The following EP400 variants were observed in gnomAD, a reference collection of about 807,000 sequenced individuals.
EP400 encodes the protein E1A binding protein p400.
In EP400, 105 loss-of-function variants were observed where a neutral mutation model predicts 354.1. That is an observed-to-expected ratio of 0.30 (90% CI 0.25 to 0.35). The LOEUF (loss-of-function observed/expected upper bound fraction) is 0.35, where lower values mean the gene tolerates loss of function less well. Ranked by LOEUF, EP400 falls within the 10% of genes least tolerant of loss-of-function variation. EP400 has a pLI of 1.00. For synonymous variants in EP400, 1,646 were observed against 1,716.9 expected (o/e 0.96, Z 1.02); for missense variants, 3,280 against 4,121.0 (o/e 0.80, Z 5.59).
At chr12:131,972,588 G>A (rs1892329088) in intron 2 of EP400, among the ~76,000 whole-genome samples, 1 of 152,040 alleles carries the variant, frequency 6.6e-6, no homozygotes, top group South Asian at 2.1e-4. Flanking sequence ...GAGTGCAGGG[G>A]TGTTGCATAT....
At chr12:131,983,958 G>A (rs1284774275) in intron 5 of EP400, among the ~76,000 whole-genome samples, 1 of 151,850 alleles carries the variant, frequency 6.6e-6, no homozygotes, top group Non-Finnish European at 1.5e-5. Context: ...CTGGAGTGCA[G>A]TGGCCCGATC....
chr12:132,079,484 AG>A lies in EP400; in HGVS notation c.*1813del, dbSNP rs748106544. ...CAGATGTGATAGAACTGAAGTATCTAGGAATTCTGCCTTTGTCATTTGTTTT... is the reference window on the plus strand; with the variant it reads ...CAGATGTGATAGAACTGAAGTATCTAGAATTCTGCCTTTGTCATTTGTTTT... On this transcript the variant is annotated 3_prime_UTR_variant, in exon 53 of 53. Coordinates refer to ENST00000389561, the MANE Select transcript of EP400 (RefSeq NM_015409.5). 1 of 152,396 alleles carries A rather than the reference AG, an allele frequency of 6.6e-6. No individual in the cohort carries two copies. Among genetic ancestry groups the A allele is most frequent in the Non-Finnish European group, 1.5e-5 (1 of 68,038 alleles). 9.4% of individuals were successfully genotyped at this position (152,396 alleles called of 1,614,324 possible). A position where few individuals can be genotyped will look rare whatever the true frequency, so the allele number is the denominator to read the frequency against.
In EP400 at chr12:131,986,504, G is replaced by T. The variant is rs763913080; in HGVS notation, c.1930-10G>T. 3 of 1,587,982 alleles carry T rather than the reference G, an allele frequency of 1.9e-6. No individual in the cohort carries two copies. The highest frequency in any genetic ancestry group is 1.7e-6 in the Non-Finnish European group (2 of 1,165,624). On this transcript the variant is annotated splice_polypyrimidine_tract_variant and intron_variant, in intron 5 of 52. Transcript: ENST00000389561. ...CTTCACCTTGCTCCACTTGTGCCCTGCCCTTACAGATGGTAGCATCGACAA... is the reference window on the plus strand; with the variant it reads ...CTTCACCTTGCTCCACTTGTGCCCTTCCCTTACAGATGGTAGCATCGACAA...
At chr12:131,981,459 A>C in intron 3 of EP400, 30 bp from the exon 4 acceptor site, 1 of 1,517,338 alleles carries the variant, frequency 6.6e-7, no homozygotes, top group Non-Finnish European at 8.9e-7. Flanking sequence ...TTTTTACATC[A>C]AACTGCACCT....
chr12:132,064,646 A>G (rs1193685025), intron 47 of EP400, 22 bp from the exon 48 acceptor site: 1 of 1,606,854 alleles, frequency 6.2e-7, no homozygotes, highest in South Asian at 1.1e-5. Flanking sequence ...GTTGAAGAGA[A>G]GATACTTTGC....
At chr12:131,988,065 T>G (rs1420640046) in intron 7 of EP400, among the ~76,000 whole-genome samples, 175 bp downstream of exon 7, 2 of 150,182 alleles carry the variant, frequency 1.3e-5, no homozygotes, top group African/African-American at 5.0e-5. Flanking sequence ...TAATTTTGTG[T>G]TTTTTGCCAC....
In EP400 at chr12:132,027,047, C is replaced by T. The variant is rs1269782556; in HGVS notation, c.5015-390C>T. Among the ~76,000 whole-genome samples, 1 of 152,130 alleles carries T rather than the reference C, an allele frequency of 6.6e-6. No individual in the cohort carries two copies. The highest frequency in any genetic ancestry group is 1.5e-5 in the Non-Finnish European group (1 of 68,012). ...CTGGGCTGCTCATGGCAGGCAAGGGCCTCACAGTCATCAGGCGGTCACCTG... is the reference window on the plus strand; with the variant it reads ...CTGGGCTGCTCATGGCAGGCAAGGGTCTCACAGTCATCAGGCGGTCACCTG... On this transcript the variant is annotated intron_variant, in intron 25 of 52. Transcript: ENST00000389561. The surrounding 1 kb of genome is among the most constrained non-coding windows in gnomAD (Gnocchi z 4.9).
intron 32 of EP400, among the ~76,000 whole-genome samples, chr12:132,039,381 T>C (rs1338091196): frequency 6.6e-6 from 1 of 151,950 alleles, no homozygotes; most frequent in Non-Finnish European, 1.5e-5. Flanking sequence ...AGGGGGGAGC[T>C]GCATGTGCAG....
intron 12 of EP400, among the ~76,000 whole-genome samples, chr12:131,997,735 A>C (rs1893265118): frequency 7.5e-6 from 1 of 133,164 alleles, no homozygotes; most frequent in Non-Finnish European, 1.6e-5. Context: ...TAGGATGAGG[A>C]GGGAGTGGGG....
Position 132,032,012 on chromosome 12 carries a change from C to A in EP400, c.5814C>A (p.His1938Gln), listed in dbSNP as rs1372556355. Residue 1938 changes from histidine (H) to glutamine (Q), a missense_variant, in exon 30 of 53, where the codon CAC becomes CAA. His to Gln is a conservative substitution (Grantham distance 24). Transcript: ENST00000389561. ...TTTTTTGTGCCATTCTCTCCACTCA[C>A]AGCCGTACCACAGGTATAAACCTTG... ...RRIFCAILST[H>Q]SRTTGINLVE... The A allele has an allele frequency of 6.2e-7, 1 of 1,614,182 alleles. No individual in the cohort carries two copies. Among genetic ancestry groups the A allele is most frequent in the South Asian group, 1.1e-5 (1 of 91,078 alleles).
rs968379671 is a variant in EP400 at position 132,038,780 on chromosome 12, G to A, written c.6207+684G>A. On this transcript the variant is annotated intron_variant, in intron 32 of 52. Coordinates refer to ENST00000389561, the MANE Select transcript of EP400 (RefSeq NM_015409.5). The surrounding 1 kb of genome is among the most constrained non-coding windows in gnomAD (Gnocchi z 4.2). ...CTGTCCCCGTGGCTTGCCCGCCAAAGCCCTGCAGCCCCACGTCCTGGAGAT... is the reference window on the plus strand; with the variant it reads ...CTGTCCCCGTGGCTTGCCCGCCAAAACCCTGCAGCCCCACGTCCTGGAGAT... 6.6e-6 allele frequency among the ~76,000 whole-genome samples: 1 copy of A among 152,116 alleles called. No homozygotes were observed. The highest frequency in any genetic ancestry group is 6.5e-5 in the Admixed American group (1 of 15,274).
intron 45 of EP400, among the ~76,000 whole-genome samples, chr12:132,060,667 C>G (rs1013025961): frequency 6.6e-6 from 1 of 152,118 alleles, no homozygotes; most frequent in African/African-American, 2.4e-5. Flanking sequence ...CCTATAATCC[C>G]AGCACTTTGG....
chr12:131,975,011 A>G (rs1892423195), intron 2 of EP400, among the ~76,000 whole-genome samples: 1 of 149,736 alleles, frequency 6.7e-6, no homozygotes, highest in African/African-American at 2.5e-5. Flanking sequence ...AAAAAAAAAG[A>G]CCAGAGTATC....
At chr12:132,069,148 C>A (rs1326535021) in intron 50 of EP400, 2 of 262,264 alleles carry the variant, frequency 7.6e-6, no homozygotes, top group Non-Finnish European at 1.4e-5. Flanking sequence ...AGATTGTGAT[C>A]GCTTTCAGTC....
At chr12:131,950,114 C>A (rs1398597587) in intron 1 of EP400, 78 bp downstream of exon 1, 1 of 151,776 alleles carries the variant, frequency 6.6e-6, no homozygotes, top group Admixed American at 6.6e-5. Context: ...GTCGCGTAGC[C>A]GCAGCCGCGG....
intron 14 of EP400, 36 bp from the exon 15 acceptor site, chr12:132,006,663 GA>G (rs1318767945): frequency 1.3e-6 from 2 of 1,543,366 alleles, no homozygotes; most frequent in African/African-American, 2.8e-5. Flanking sequence ...TGATTATTTT[GA>G]CGAGCTGTCA....
At position 132,027,381 on chromosome 12, in the gene EP400, G is replaced by C; in HGVS notation, c.5015-56G>C. 2.5e-6 allele frequency: 4 copies of C among 1,578,154 alleles called. No individual in the cohort carries two copies. The highest frequency in any genetic ancestry group is 2.6e-6 in the Non-Finnish European group (3 of 1,148,262). ...GGTTCCATGGAGCATGCTGGTGTCA[G>C]ATGAAATCCTGTGAACTTGGCGTTC... On this transcript the variant is annotated intron_variant, in intron 25 of 52. Coordinates refer to ENST00000389561, the MANE Select transcript of EP400 (RefSeq NM_015409.5). This position sits in a 1 kb window ranked among gnomAD's most constrained non-coding sequence, Gnocchi z 4.9.
intron 32 of EP400, among the ~76,000 whole-genome samples, chr12:132,040,185 T>G (rs1894850634): frequency 6.6e-6 from 1 of 152,096 alleles, no homozygotes; most frequent in Admixed American, 6.5e-5. Flanking sequence ...TGGCACCTAT[T>G]GGGATGACTG....
intron 32 of EP400, among the ~76,000 whole-genome samples, chr12:132,043,091 G>C (rs931130732): frequency 8.5e-5 from 13 of 152,236 alleles, no homozygotes; most frequent in African/African-American, 2.7e-4. Flanking sequence ...AGGTTAGCAA[G>C]GCCCAGGAGG....
Sources: gnomAD v4.1 joint callset for allele counts (sites outside exome capture counted in the v4.1 genomes callset) on GRCh38, gnomAD v4.1.1 for gene constraint, Gnocchi (gnomAD v3.1) non-coding constraint, MANE v1.5 for transcripts, NCBI Gene and HGNC (gene_info 2026-07-23, HGNC 2026-07-21) for gene names.